AP2B1: variants seen among roughly 807,000 people sequenced by gnomAD.
The protein encoded by AP2B1 is AP-2 complex subunit beta.
In AP2B1, 23 loss-of-function variants were observed where a neutral mutation model predicts 102.0. The ratio of observed to expected loss-of-function variants is 0.23; its 90% CI spans 0.16 to 0.32. The LOEUF is 0.32. Among genes scored for constraint, AP2B1 ranks in the 10% least tolerant of loss-of-function variants. The pLI is 1.00. For missense variants in AP2B1, 541 were observed against 1,157.4 expected (o/e 0.47, Z 7.73); for synonymous variants, 381 against 421.2 (o/e 0.90, Z 1.17).
chr17:35,649,061 C>G (rs1046849920), intron 12 of AP2B1, among the ~76,000 whole-genome samples: 9 of 152,002 alleles, frequency 5.9e-5, no homozygotes, highest in African/African-American at 2.2e-4. Context: ...GATAATAGTA[C>G]CTTTCATACT....
rs587723549 is a variant in AP2B1 at position 35,680,708 on chromosome 17, T to G, written c.2325-1987T>G. Among the ~76,000 whole-genome samples the G allele has an allele frequency of 2.7e-3, 373 of 138,900 alleles. 7 individuals carry two copies. Among genetic ancestry groups the G allele is most frequent in the African/African-American group, 7.7e-3 (296 of 38,356 alleles). The allele number at this position is 138,900 out of a possible 152,430, so 91.1% of individuals were successfully genotyped here. A position where few individuals can be genotyped will look rare whatever the true frequency, so the allele number is the denominator to read the frequency against. The stretch of plus-strand genomic sequence containing the variant: ...TTGGTTTTTTTTTTTTTGTTTTTTT[T>G]TTTTTTTTCAGACAGTCTTGCTCTG... On this transcript the variant is annotated intron_variant, in intron 17 of 21. Transcript: ENST00000610402.
chr17:35,597,264 G>A (rs930591738), intron 2 of AP2B1: 3 of 333,002 alleles, frequency 9.0e-6, no homozygotes, highest in Non-Finnish European at 1.7e-5. Flanking sequence ...AGTTGAGATG[G>A]GAGTAGTCAA....
At chr17:35,617,537 G>A (rs1474136773) in intron 5 of AP2B1, among the ~76,000 whole-genome samples, 1 of 152,100 alleles carries the variant, frequency 6.6e-6, no homozygotes, top group Non-Finnish European at 1.5e-5. Context: ...AGCTCTGAGG[G>A]CAACTTACCC....
chr17:35,701,391 G>A (rs2076236146), intron 18 of AP2B1, among the ~76,000 whole-genome samples: 1 of 152,144 alleles, frequency 6.6e-6, no homozygotes. Flanking sequence ...TTATTGAAAG[G>A]TAAAGAGAGA....
chr17:35,694,824 A>G (rs1054022022), intron 18 of AP2B1, among the ~76,000 whole-genome samples: 4 of 152,210 alleles, frequency 2.6e-5, no homozygotes, highest in Non-Finnish European at 4.4e-5. Context: ...CGGAGGTTGC[A>G]GTGAGCCGAG....
intron 12 of AP2B1, among the ~76,000 whole-genome samples, chr17:35,648,745 TGTGTGTGTGTGTGTGTG>T (rs2075009258): frequency 1.2e-5 from 1 of 86,828 alleles, no homozygotes; most frequent in Non-Finnish European, 2.3e-5. Flanking sequence ...ATGAAATAAG[TGTGTGTGTGTGTGTGTG>T]TGTGTGTGTG....
intron 9 of AP2B1, 103 bp downstream of exon 9, chr17:35,627,829 C>T (rs535742374): frequency 3.1e-6 from 3 of 972,932 alleles, no homozygotes; most frequent in Non-Finnish European, 4.5e-6. Context: ...TAATAAAGCA[C>T]ACAGTTTCAA....
chr17:35,724,990 T>C lies in AP2B1; in HGVS notation c.*1291T>C, dbSNP rs1555594755. 6.6e-6 allele frequency: 1 copy of C among 152,170 alleles called. No homozygotes were observed. Among genetic ancestry groups the C allele is most frequent in the East Asian group, 1.9e-4 (1 of 5,182 alleles). 9.4% of individuals were successfully genotyped at this position (152,170 alleles called of 1,614,324 possible). On this transcript the variant is annotated 3_prime_UTR_variant, in exon 22 of 22. Transcript: ENST00000610402. ...CACTTATTGAGGCCAGCAGAATAGG[T>C]GCAGAGATGAAGTGAGCTTAGAGAT...
At chr17:35,615,829 A>G (rs976603062) in intron 5 of AP2B1, among the ~76,000 whole-genome samples, 6 of 152,210 alleles carry the variant, frequency 3.9e-5, no homozygotes, top group Non-Finnish European at 8.8e-5. Flanking sequence ...TGAAGGTAAT[A>G]CATTCAGTCT....
At chr17:35,626,893 C>G in intron 7 of AP2B1, 51 bp downstream of exon 7, 1 of 1,498,782 alleles carries the variant, frequency 6.7e-7, no homozygotes. Context: ...TTGCATTAAG[C>G]TTAATAATGT....
rs2075261532 is a variant in AP2B1 at position 35,657,581 on chromosome 17, A to G, written c.1797-18A>G. 3 of 1,593,272 alleles carry G rather than the reference A, an allele frequency of 1.9e-6. No homozygotes were observed. Among genetic ancestry groups the G allele is most frequent in the African/African-American group, 2.7e-5 (2 of 74,242 alleles). On this transcript the variant is annotated intron_variant, in intron 13 of 21. Coordinates refer to ENST00000610402, the MANE Select transcript of AP2B1 (RefSeq NM_001030006.2). ...CTGACTTTTCTCTTTTCTCCATTTT[A>G]TGTGTATGTGACTTTAGCACTGATG...
chr17:35,678,962 GT>G (rs1598264963), intron 17 of AP2B1, among the ~76,000 whole-genome samples: 1 of 21,672 alleles, frequency 4.6e-5, no homozygotes, highest in East Asian at 1.4e-3. Flanking sequence ...TAGCATTGTT[GT>G]TTGTTTGTTT....
intron 12 of AP2B1, among the ~76,000 whole-genome samples, chr17:35,646,869 C>G: frequency 6.6e-6 from 1 of 152,126 alleles, no homozygotes; most frequent in East Asian, 1.9e-4. Context: ...GATTACTGAG[C>G]CACCGTGCCT....
At chr17:35,689,924 T>C (rs762088530) in intron 18 of AP2B1, among the ~76,000 whole-genome samples, 3 of 152,230 alleles carry the variant, frequency 2.0e-5, no homozygotes, top group African/African-American at 7.2e-5. Context: ...TGCATGTAGT[T>C]GTTTTTCTTG....
At chr17:35,657,507 A>G (rs971407087) in intron 13 of AP2B1, 92 bp from the exon 14 acceptor site, 2 of 948,908 alleles carry the variant, frequency 2.1e-6, no homozygotes, top group South Asian at 1.8e-5. Flanking sequence ...TGATAGTTAT[A>G]TATAGCTATA....
chr17:35,672,634 AG>A (rs2075612948), intron 16 of AP2B1, among the ~76,000 whole-genome samples: 1 of 152,210 alleles, frequency 6.6e-6, no homozygotes, highest in Non-Finnish European at 1.5e-5. Flanking sequence ...GAGTGTGTAT[AG>A]TTATTACAGT....
intron 7 of AP2B1, 42 bp from the exon 8 acceptor site, chr17:35,627,342 TA>T (rs2074345976): frequency 1.3e-6 from 2 of 1,558,896 alleles, no homozygotes; most frequent in African/African-American, 2.9e-5. Context: ...GGTATATCAG[TA>T]TATGCCTTCA....
At chr17:35,672,065 A>G (rs1334406542) in intron 16 of AP2B1, among the ~76,000 whole-genome samples, 165 bp downstream of exon 16, 1 of 152,238 alleles carries the variant, frequency 6.6e-6, no homozygotes, top group Non-Finnish European at 1.5e-5. Flanking sequence ...AGCAGTAGGA[A>G]GCACCATTAG....
Position 35,650,519 on chromosome 17 carries a change from C to G in AP2B1, c.1537-11C>G, listed in dbSNP as rs12943224. ...TTCATCTCCACCTCCTTGCCTTTGCCTTTTCTTTAGGATTCTGATAATCCT... is the reference window on the plus strand; with the variant it reads ...TTCATCTCCACCTCCTTGCCTTTGCGTTTTCTTTAGGATTCTGATAATCCT... On this transcript the variant is annotated splice_polypyrimidine_tract_variant and intron_variant, in intron 12 of 21. Coordinates refer to ENST00000610402, the MANE Select transcript of AP2B1 (RefSeq NM_001030006.2). The G allele has an allele frequency of 0.081, 131,180 of 1,611,846 alleles. 5,820 individuals carry two copies. Among genetic ancestry groups the G allele is most frequent in the Middle Eastern group, 0.14 (867 of 6,044 alleles).
Sources: gnomAD v4.1 joint callset for allele counts (sites outside exome capture counted in the v4.1 genomes callset) on GRCh38, gnomAD v4.1.1 for gene constraint, MANE v1.5 for transcripts, NCBI Gene and HGNC (gene_info 2026-07-23, HGNC 2026-07-21) for gene names.